IL1RAPL1: variants seen among roughly 807,000 people sequenced by gnomAD.
IL1RAPL1 encodes the protein interleukin-1 receptor accessory protein-like 1.
Under a neutral mutation model 48.4 loss-of-function variants are expected in IL1RAPL1, and 3 were observed. The ratio of observed to expected loss-of-function variants is 0.06; its 90% CI spans 0.03 to 0.16. The LOEUF (loss-of-function observed/expected upper bound fraction) is 0.16. Among genes scored for constraint, IL1RAPL1 ranks in the 10% least tolerant of loss-of-function variants. The probability of loss-of-function intolerance (pLI) is 1.00; values close to 1 mark genes in which losing one functional copy is unlikely to be tolerated. For synonymous variants in IL1RAPL1, 185 were observed against 187.7 expected, an observed-to-expected ratio of 0.99 and a Z score of 0.12; for missense variants, 349 against 530.6, an observed-to-expected ratio of 0.66 and a Z score of 3.36.
chrX:29,159,366 T>C (rs1374856802), intron 2 of IL1RAPL1, among the ~76,000 whole-genome samples: 2 of 111,656 alleles, frequency 1.8e-5, no homozygotes, highest in African/African-American at 6.5e-5. Flanking sequence ...CATTCTAATA[T>C]TCAGTTTACA....
chrX:29,772,832 C>G (rs1162991307), intron 6 of IL1RAPL1, among the ~76,000 whole-genome samples: 4 of 111,347 alleles, frequency 3.6e-5, no homozygotes. Flanking sequence ...CAGTGCTCTT[C>G]TCCATTTGCT....
At chrX:29,310,106 AAAAAAAAAAAAAAAAAAAAAAAAGAAAG>A (rs1932693037) in intron 3 of IL1RAPL1, among the ~76,000 whole-genome samples, 1 of 82,647 alleles carries the variant, frequency 1.2e-5, no homozygotes, top group Non-Finnish European at 2.2e-5. Flanking sequence ...AAAAAAAAAA[AAAAAAAAAAAAAAAAAAAAAAAAGAAAG>A]GAAAAAAAAA....
At chrX:29,125,669 A>G in intron 2 of IL1RAPL1, among the ~76,000 whole-genome samples, 1 of 111,187 alleles carries the variant, frequency 9.0e-6, no homozygotes, top group Non-Finnish European at 1.9e-5. Flanking sequence ...GGGATGTTCC[A>G]TGCATGGTCA....
intron 6 of IL1RAPL1, among the ~76,000 whole-genome samples, chrX:29,899,361 G>C (rs936573041): frequency 2.7e-5 from 3 of 110,655 alleles, no homozygotes; most frequent in Admixed American, 1.9e-4. Context: ...GATCAGAATG[G>C]GGGATCAAAG....
chrX:29,803,586 CAT>C (rs1180739741), intron 6 of IL1RAPL1, among the ~76,000 whole-genome samples: 11 of 95,755 alleles, frequency 1.1e-4, no homozygotes, highest in Admixed American at 2.3e-4. Context: ...TATATGTATC[CAT>C]ATATGTGTGT....
chrX:29,426,127 A>G, intron 5 of IL1RAPL1, among the ~76,000 whole-genome samples: 1 of 112,164 alleles, frequency 8.9e-6, no homozygotes, highest in African/African-American at 3.2e-5. Flanking sequence ...TCTAAATTTT[A>G]TTGAAAATAT....
intron 6 of IL1RAPL1, among the ~76,000 whole-genome samples, chrX:29,711,197 T>G (rs774397167): frequency 1.1e-4 from 12 of 106,232 alleles, no homozygotes; most frequent in Admixed American, 4.1e-4. Flanking sequence ...TTCTTTTTTT[T>G]TTTGAGATGG....
intron 1 of IL1RAPL1, among the ~76,000 whole-genome samples, chrX:28,740,999 A>G (rs1440678062): frequency 1.8e-5 from 2 of 112,098 alleles, no homozygotes; most frequent in East Asian, 2.8e-4. Context: ...GTCGTCCACA[A>G]TGATGGACTA....
rs139822046 is a variant in IL1RAPL1 at position 29,614,506 on chromosome X, C to T, written c.704-53924C>T. Among the ~76,000 whole-genome samples the T allele has an allele frequency of 7.5e-3, 839 of 112,161 alleles. 11 individuals carry two copies. The highest frequency in any genetic ancestry group is 0.026 in the African/African-American group (799 of 30,884). On this transcript the variant is annotated intron_variant, in intron 5 of 10. Coordinates refer to ENST00000378993, the MANE Select transcript of IL1RAPL1 (RefSeq NM_014271.4). Reference sequence around the variant, plus strand: ...CTCATTTAATATCCTTCTGTGAATTCGAATGAGAAAGACAAATTGACTGGA... The same window carrying T: ...CTCATTTAATATCCTTCTGTGAATTTGAATGAGAAAGACAAATTGACTGGA...
chrX:29,252,283 GA>G (rs1177070111), intron 2 of IL1RAPL1, among the ~76,000 whole-genome samples: 5,617 of 27,194 alleles, frequency 0.21, 319 homozygotes, highest in African/African-American at 0.35. Context: ...AAAGAAAAAA[GA>G]AAAAAAAAAA....
chrX:28,907,068 A>AT (rs1275796463), intron 2 of IL1RAPL1, among the ~76,000 whole-genome samples: 2 of 110,927 alleles, frequency 1.8e-5, no homozygotes, highest in Non-Finnish European at 3.8e-5. Flanking sequence ...TTAGCTGTAA[A>AT]TTTTTTGTGA....
intron 5 of IL1RAPL1, among the ~76,000 whole-genome samples, chrX:29,463,919 C>T (rs1375422667): frequency 2.7e-5 from 3 of 111,384 alleles, no homozygotes; most frequent in Non-Finnish European, 5.6e-5. Flanking sequence ...TACCGACCAA[C>T]AGTTAGCCTC....
chrX:28,608,045 TGG>T (rs1342659900), intron 1 of IL1RAPL1, among the ~76,000 whole-genome samples: 1 of 111,782 alleles, frequency 8.9e-6, no homozygotes, highest in East Asian at 2.8e-4. Context: ...GGATGCCTAC[TGG>T]TCTATACAAG....
chrX:29,176,021 A>C (rs928752669), intron 2 of IL1RAPL1, among the ~76,000 whole-genome samples: 4 of 108,648 alleles, frequency 3.7e-5, no homozygotes, highest in African/African-American at 1.3e-4. Context: ...GTTATACACA[A>C]CTTGTTAGGC....
Position 29,609,807 on chromosome X carries a change from T to C in IL1RAPL1, c.704-58623T>C, listed in dbSNP as rs569390566. On this transcript the variant is annotated intron_variant, in intron 5 of 10. Coordinates refer to ENST00000378993, the MANE Select transcript of IL1RAPL1 (RefSeq NM_014271.4). ...AAGCTGCTGTCTGCCACCAAACTTA[T>C]TGGGAATGAAATGAACAGCATAAGA... Among the ~76,000 whole-genome samples, 46 of 112,275 alleles carry C rather than the reference T, an allele frequency of 4.1e-4. No homozygotes were observed. The South Asian group carries it at 0.017, about 41-fold the overall frequency.
chrX:29,614,350 A>G (rs755176068), intron 5 of IL1RAPL1, among the ~76,000 whole-genome samples: 3 of 112,261 alleles, frequency 2.7e-5, no homozygotes, highest in East Asian at 2.8e-4. Context: ...CTGTGACCCA[A>G]TGAAGTGAAA....
chrX:29,280,197 T>C (rs759309263), intron 2 of IL1RAPL1, among the ~76,000 whole-genome samples: 1 of 112,097 alleles, frequency 8.9e-6, no homozygotes, highest in East Asian at 2.8e-4. Flanking sequence ...TTGATAAATA[T>C]TATATGCAAT....
intron 2 of IL1RAPL1, among the ~76,000 whole-genome samples, chrX:28,892,684 G>A (rs920411441): frequency 6.3e-5 from 7 of 110,485 alleles, no homozygotes; most frequent in African/African-American, 2.3e-4. Context: ...TGTTTCTCAG[G>A]GCTGCTTCGA....
chrX:28,918,420 A>G (rs1056305963), intron 2 of IL1RAPL1, among the ~76,000 whole-genome samples: 1 of 112,292 alleles, frequency 8.9e-6, no homozygotes, highest in Non-Finnish European at 1.9e-5. Flanking sequence ...GGATGCCACC[A>G]GTAACATTTT....
Sources: allele counts gnomAD v4.1 joint callset (sites outside exome capture counted in the v4.1 genomes callset), GRCh38; gene constraint gnomAD v4.1.1; transcripts MANE v1.5; gene names NCBI Gene and HGNC (gene_info 2026-07-23, HGNC 2026-07-21).